NKAIN1: variants seen among roughly 807,000 people sequenced by gnomAD.
NKAIN1 encodes the protein sodium/potassium-transporting ATPase subunit beta-1-interacting protein 1.
A neutral mutation model predicts 31.6 loss-of-function variants in NKAIN1; 13 were observed. The ratio of observed to expected loss-of-function variants is 0.41; its 90% CI spans 0.27 to 0.65. NKAIN1 has a LOEUF of 0.65. Ranked by LOEUF, NKAIN1 falls within the 30% of genes least tolerant of loss-of-function variation. The pLI, the probability that NKAIN1 is intolerant of heterozygous loss-of-function variation, is 0.30. For missense variants in NKAIN1, 193 were observed against 262.2 expected, an observed-to-expected ratio of 0.74 and a Z score of 1.82; for synonymous variants, 104 against 109.0, an observed-to-expected ratio of 0.95 and a Z score of 0.28.
chr1:31,196,619 C>T (rs1407474042), intron 1 of NKAIN1, among the ~76,000 whole-genome samples: 1 of 151,750 alleles, frequency 6.6e-6, no homozygotes. Context: ...TCAACCTCCA[C>T]CAGGAGGTGG....
At position 31,219,535 on chromosome 1, in the gene NKAIN1, C is replaced by T. The variant is rs115332226; in HGVS notation, c.54+19959G>A. Among the ~76,000 whole-genome samples the T allele has an allele frequency of 2.5e-3, 387 of 152,344 alleles. 1 individual carries two copies. Among genetic ancestry groups the T allele is most frequent in the African/African-American group, 8.9e-3 (371 of 41,574 alleles). On this transcript the variant is annotated intron_variant, in intron 1 of 6. Transcript: ENST00000373736. ...CATAGGTTTCCAGTGAGCATGTCCC[C>T]CTGATCCTGTGGACTGCCCGCCCTG... is the stretch of plus-strand genomic sequence containing the variant.
In NKAIN1 at chr1:31,239,394, G is replaced by GAC. The variant is rs1180592521; in HGVS notation, c.54+98_54+99dup. On this transcript the variant is annotated intron_variant, in intron 1 of 6. Coordinates refer to ENST00000373736, the MANE Select transcript of NKAIN1 (RefSeq NM_024522.3). This position sits in a 1 kb window ranked among gnomAD's most constrained non-coding sequence, Gnocchi z 4.8. The stretch of plus-strand genomic sequence containing the variant: ...ACCCCCCGCCCGGGCACACGCACCA[G>GAC]ACACACACACAGAGACACACGCAAC... The GAC allele has an allele frequency of 1.2e-5, 11 of 884,710 alleles. No homozygotes were observed. The East Asian group carries it at 2.1e-4, about 17-fold the overall frequency. 54.8% of individuals were successfully genotyped at this position (884,710 alleles called of 1,614,324 possible).
chr1:31,220,927 G>C (rs1462612163), intron 1 of NKAIN1, among the ~76,000 whole-genome samples: 1 of 152,084 alleles, frequency 6.6e-6, no homozygotes, highest in Non-Finnish European at 1.5e-5. Context: ...TCCACACTCA[G>C]TGGACACTTC....
rs116392845 is a variant in NKAIN1, at chr1:31,229,030, G to A, written c.54+10464C>T. Among the ~76,000 whole-genome samples the A allele has an allele frequency of 5.1e-3, 775 of 152,302 alleles. 6 individuals are homozygous for A. The highest frequency in any genetic ancestry group is 0.017 in the African/African-American group (715 of 41,554). On this transcript the variant is annotated intron_variant, in intron 1 of 6. Transcript: ENST00000373736. ...CCTCTCATTTCCCACTTCATAGGCT[G>A]TGATAAATGAGGCCCAGAGAAGGCC...
At chr1:31,217,925 A>G (rs1368157717) in intron 1 of NKAIN1, among the ~76,000 whole-genome samples, 1 of 152,152 alleles carries the variant, frequency 6.6e-6, no homozygotes, top group Non-Finnish European at 1.5e-5. Context: ...GACTCCATTC[A>G]GCAAACAATC....
At position 31,182,433 on chromosome 1, in the gene NKAIN1, C is replaced by CT. The variant is rs576847830; in HGVS notation, c.532+96dup. 117 of 1,421,326 alleles carry CT rather than the reference C, an allele frequency of 8.2e-5. No homozygotes were observed. In the African/African-American group the frequency reaches 1.5e-3, roughly 18 times the overall value. 88.0% of individuals were successfully genotyped at this position (1,421,326 alleles called of 1,614,324 possible). A position where few individuals can be genotyped will look rare whatever the true frequency, so the allele number is the denominator to read the frequency against. ...CCTCGAAAGGGGCCCGTGGCCGACCCTGGGCTCCCTCCCGCCGGGGCCAGT... is the reference window on the plus strand; with the variant it reads ...CCTCGAAAGGGGCCCGTGGCCGACCCTTGGGCTCCCTCCCGCCGGGGCCAGT... On this transcript the variant is annotated intron_variant, in intron 5 of 6. Transcript: ENST00000373736.
In NKAIN1 at chr1:31,233,044, G is replaced by A. The variant is rs1033207059; in HGVS notation, c.54+6450C>T. On this transcript the variant is annotated intron_variant, in intron 1 of 6. Transcript: ENST00000373736. The surrounding 1 kb of genome is among the most constrained non-coding windows in gnomAD (Gnocchi z 4.0). Reference sequence around the variant, plus strand: ...GCACACTGCAACCTCCGCCTCCCAGGTTCAAATGATTCTCTTGCCTCAGCC... The same window carrying A: ...GCACACTGCAACCTCCGCCTCCCAGATTCAAATGATTCTCTTGCCTCAGCC... 1.3e-5 allele frequency among the ~76,000 whole-genome samples: 2 copies of A among 152,064 alleles called. No homozygotes were observed. Among genetic ancestry groups the A allele is most frequent in the African/African-American group, 4.8e-5 (2 of 41,388 alleles).
intron 1 of NKAIN1, among the ~76,000 whole-genome samples, chr1:31,214,978 C>T (rs1452375627): frequency 6.6e-6 from 1 of 152,194 alleles, no homozygotes; most frequent in Non-Finnish European, 1.5e-5. Flanking sequence ...AGGCGTTAAG[C>T]ACCTACGGTG....
At chr1:31,184,522 C>A (rs1645227820) in intron 3 of NKAIN1, among the ~76,000 whole-genome samples, 1 of 152,094 alleles carries the variant, frequency 6.6e-6, no homozygotes, top group South Asian at 2.1e-4. Context: ...AGATGTGTGA[C>A]CTTATTTTAT....
intron 1 of NKAIN1, among the ~76,000 whole-genome samples, chr1:31,198,009 C>T (rs867655507): frequency 2.6e-5 from 4 of 152,162 alleles, no homozygotes; most frequent in Middle Eastern, 3.2e-3. Flanking sequence ...TGTGCCACCA[C>T]GCTGGCCTGT....
At chr1:31,201,525 A>AT (rs34030633) in intron 1 of NKAIN1, among the ~76,000 whole-genome samples, 105,696 of 150,196 alleles carry the variant, frequency 0.7, 38,605 homozygotes, top group Middle Eastern at 0.89. Flanking sequence ...TGCCCGGCTA[A>AT]TTTTTTTTTG....
At chr1:31,208,910 C>A (rs1645445530) in intron 1 of NKAIN1, among the ~76,000 whole-genome samples, 1 of 152,196 alleles carries the variant, frequency 6.6e-6, no homozygotes, top group Admixed American at 6.5e-5. Flanking sequence ...TCAGTTTTCT[C>A]ATCTGTAAAC....
chr1:31,188,512 G>C (rs370168616), intron 1 of NKAIN1: 21 of 248,856 alleles, frequency 8.4e-5, no homozygotes, highest in African/African-American at 3.9e-4. Context: ...GCCACCCCTA[G>C]CCTTGGAGGG....
At position 31,239,419 on chromosome 1, in the gene NKAIN1, C is replaced by T; in HGVS notation, c.54+75G>A. The T allele has an allele frequency of 8.4e-7, 1 of 1,190,064 alleles. No individual in the cohort carries two copies. Among genetic ancestry groups the T allele is most frequent in the Non-Finnish European group, 1.1e-6 (1 of 900,686 alleles). The allele number at this position is 1,190,064 out of a possible 1,614,324, so 73.7% of individuals were successfully genotyped here. On this transcript the variant is annotated intron_variant, in intron 1 of 6. Transcript: ENST00000373736. This position sits in a 1 kb window ranked among gnomAD's most constrained non-coding sequence, Gnocchi z 4.8. ...GACACACACACAGAGACACACGCAA[C>T]CCCACCCGCACGCCCTGGGACCGCG...
Position 31,239,644 on chromosome 1 carries a change from G to A in NKAIN1, c.-97C>T. ...CGCGGGCTCCACGTCCTCCCCGCTGGGCGCGCCGGGCGGCGGGGCCGGGCG... is the reference window on the plus strand; with the variant it reads ...CGCGGGCTCCACGTCCTCCCCGCTGAGCGCGCCGGGCGGCGGGGCCGGGCG... On this transcript the variant is annotated 5_prime_UTR_variant, in exon 1 of 7. Coordinates refer to ENST00000373736, the MANE Select transcript of NKAIN1 (RefSeq NM_024522.3). The surrounding 1 kb of genome is among the most constrained non-coding windows in gnomAD (Gnocchi z 4.8). The A allele has an allele frequency of 1.6e-6, 1 of 607,106 alleles. No homozygotes were observed. The highest frequency in any genetic ancestry group is 2.1e-6 in the Non-Finnish European group (1 of 483,718). 37.6% of individuals were successfully genotyped at this position (607,106 alleles called of 1,614,324 possible).
intron 1 of NKAIN1, among the ~76,000 whole-genome samples, chr1:31,214,290 G>A (rs1490050400): frequency 1.3e-5 from 2 of 151,854 alleles, no homozygotes; most frequent in African/African-American, 4.8e-5. Flanking sequence ...AGGGGGAGTG[G>A]GGAGTGACTG....
At chr1:31,198,706 CT>C (rs934682087) in intron 1 of NKAIN1, among the ~76,000 whole-genome samples, 3 of 152,158 alleles carry the variant, frequency 2.0e-5, no homozygotes, top group South Asian at 2.1e-4. Context: ...GCCCTTCCCC[CT>C]GCCCTTCGCT....
At chr1:31,237,358 T>C (rs946022219) in intron 1 of NKAIN1, among the ~76,000 whole-genome samples, 2 of 152,214 alleles carry the variant, frequency 1.3e-5, no homozygotes, top group Non-Finnish European at 2.9e-5. Context: ...AGTTAATACC[T>C]GGAAAAGTGC....
At chr1:31,213,446 G>A (rs761738754) in intron 1 of NKAIN1, among the ~76,000 whole-genome samples, 1 of 152,198 alleles carries the variant, frequency 6.6e-6, no homozygotes, top group African/African-American at 2.4e-5. Flanking sequence ...TGATGATGCA[G>A]AGAAACTGGA....
Sources: allele counts gnomAD v4.1 joint callset (sites outside exome capture counted in the v4.1 genomes callset), GRCh38; gene constraint gnomAD v4.1.1; non-coding constraint Gnocchi (gnomAD v3.1); transcripts MANE v1.5; gene names NCBI Gene and HGNC (gene_info 2026-07-23, HGNC 2026-07-21).